KCNT2: variants seen among roughly 807,000 people sequenced by gnomAD.
The protein encoded by KCNT2 is potassium channel subfamily T member 2.
KCNT2 carries 67 observed loss-of-function variants against 153.8 expected under a neutral mutation model. The observed-to-expected ratio is 0.44, with a 90% confidence interval of 0.36 to 0.53. The LOEUF is 0.53. KCNT2 is among the 20% of genes least tolerant of loss of function. The probability of loss-of-function intolerance (pLI) is 0.00; values close to 1 mark genes in which losing one functional copy is unlikely to be tolerated. For synonymous variants in KCNT2, 500 were observed against 458.8 expected (o/e 1.09, Z -1.15); for missense variants, 975 against 1,354.8 (o/e 0.72, Z 4.40).
intron 12 of KCNT2, among the ~76,000 whole-genome samples, chr1:196,422,286 C>T (rs1673280049): frequency 6.6e-6 from 1 of 151,852 alleles, no homozygotes; most frequent in East Asian, 1.9e-4. Context: ...CCTGAAAGAT[C>T]TATGCACAGT....
At chr1:196,581,118 A>T (rs1306293352) in intron 1 of KCNT2, among the ~76,000 whole-genome samples, 4 of 152,104 alleles carry the variant, frequency 2.6e-5, no homozygotes, top group African/African-American at 7.2e-5. Context: ...ATATTAGTAT[A>T]TATGTGATAT....
At chr1:196,471,068 T>A (rs1405886119) in intron 5 of KCNT2, among the ~76,000 whole-genome samples, 3 of 151,416 alleles carry the variant, frequency 2.0e-5, no homozygotes, top group Admixed American at 6.6e-5. Flanking sequence ...ATTCTTTTTT[T>A]AATTTTTTTT....
chr1:196,258,201 C>T lies in KCNT2; in HGVS notation c.3204G>A (p.Val1068=), dbSNP rs1656686408. Residue 1068 remains valine (V), a synonymous_variant, in exon 26 of 28, where the codon GTG becomes GTA. Coordinates refer to ENST00000294725, the MANE Select transcript of KCNT2 (RefSeq NM_198503.5). ...AGTTTTTAAAGAGCATACCATATCC[C>T]ACTGTAGAAAGACCCAAGTGTTTCA... ...NRMKHLGLST[V]GYDEMNDHQS... is the part of the protein sequence containing the mutation. 1 of 1,613,500 alleles carries T rather than the reference C, an allele frequency of 6.2e-7. No individual in the cohort carries two copies. The highest frequency in any genetic ancestry group is 8.5e-7 in the Non-Finnish European group (1 of 1,179,592).
At chr1:196,256,012 C>T (rs1265857104) in intron 26 of KCNT2, among the ~76,000 whole-genome samples, 1 of 151,886 alleles carries the variant, frequency 6.6e-6, no homozygotes, top group African/African-American at 2.4e-5. Context: ...TTGTTTTAAT[C>T]TCTCAAAAGG....
At chr1:196,241,277 T>C (rs1218364512) in intron 26 of KCNT2, among the ~76,000 whole-genome samples, 1 of 152,094 alleles carries the variant, frequency 6.6e-6, no homozygotes, top group Non-Finnish European at 1.5e-5. Flanking sequence ...TTACTTCTTC[T>C]ACATAGTTGG....
intron 25 of KCNT2, among the ~76,000 whole-genome samples, chr1:196,279,415 TA>T (rs1027106814): frequency 2.0e-5 from 3 of 151,468 alleles, no homozygotes; most frequent in African/African-American, 4.9e-5. Context: ...AAAACTCCAT[TA>T]AAAAATTTTT....
chr1:196,569,707 T>C (rs1420025784), intron 1 of KCNT2, among the ~76,000 whole-genome samples: 1 of 152,020 alleles, frequency 6.6e-6, no homozygotes, highest in Non-Finnish European at 1.5e-5. Flanking sequence ...ATGAAATTAA[T>C]TCAAAAGGAT....
intron 1 of KCNT2, among the ~76,000 whole-genome samples, chr1:196,560,642 T>A (rs1659255145): frequency 6.6e-6 from 1 of 152,002 alleles, no homozygotes; most frequent in East Asian, 1.9e-4. Context: ...CTAACTTTAG[T>A]GGGCACCTTG....
chr1:196,502,448 T>A (rs1029798045), intron 1 of KCNT2, among the ~76,000 whole-genome samples: 13 of 152,184 alleles, frequency 8.5e-5, no homozygotes, highest in Admixed American at 6.5e-4. Context: ...TAGAGACACG[T>A]ATATGCACAT....
Position 196,343,351 on chromosome 1 carries a change from GTTAT to G in KCNT2, c.1404-1127_1404-1124del, listed in dbSNP as rs776165124. Among the ~76,000 whole-genome samples the G allele has an allele frequency of 5.3e-5, 8 of 152,154 alleles. No homozygotes were observed. In the East Asian group the frequency reaches 1.4e-3, roughly 26 times the overall value. On this transcript the variant is annotated intron_variant, in intron 14 of 27. Transcript: ENST00000294725. ...AAATTCATAATGGATATATAAATAGGTTATTTCTCATTTTATATAATAAATTCAT... is the reference window on the plus strand; with the variant it reads ...AAATTCATAATGGATATATAAATAGGTTCTCATTTTATATAATAAATTCAT...
chr1:196,478,473 A>C (rs570536037), intron 5 of KCNT2, among the ~76,000 whole-genome samples: 1 of 152,266 alleles, frequency 6.6e-6, no homozygotes, highest in African/African-American at 2.4e-5. Flanking sequence ...TTACATGCAA[A>C]GTCCTTCCTT....
chr1:196,374,367 T>C (rs987592701), intron 13 of KCNT2, among the ~76,000 whole-genome samples: 9 of 151,838 alleles, frequency 5.9e-5, no homozygotes, highest in Admixed American at 2.0e-4. Context: ...TTCTGCCCTG[T>C]TTTTATAATA....
intron 25 of KCNT2, among the ~76,000 whole-genome samples, chr1:196,260,055 G>C (rs2147785915): frequency 6.6e-6 from 1 of 151,866 alleles, no homozygotes; most frequent in African/African-American, 2.4e-5. Flanking sequence ...GTACTTTGTA[G>C]CAACAATGAA....
intron 8 of KCNT2, among the ~76,000 whole-genome samples, chr1:196,439,939 T>C (rs1317346750): frequency 6.6e-6 from 1 of 151,842 alleles, no homozygotes; most frequent in African/African-American, 2.4e-5. Context: ...ACCTAATGCA[T>C]ACGGGGCTTA....
At position 196,512,417 on chromosome 1, in the gene KCNT2, A is replaced by T. The variant is rs137961491; in HGVS notation, c.96-20076T>A. ...ATTTCTACTTGGATCTCTATCAGAC[A>T]TCTGCAACCCAGCATATCGAAACTT... is the stretch of plus-strand genomic sequence containing the variant. On this transcript the variant is annotated intron_variant, in intron 1 of 27. Transcript: ENST00000294725. 3.3e-5 allele frequency among the ~76,000 whole-genome samples: 5 copies of T among 152,304 alleles called. No homozygotes were observed. In the East Asian group the frequency reaches 7.7e-4, roughly 24 times the overall value.
At chr1:196,572,466 TAAAG>T (rs978345261) in intron 1 of KCNT2, among the ~76,000 whole-genome samples, 8 of 151,848 alleles carry the variant, frequency 5.3e-5, no homozygotes, top group South Asian at 2.1e-4. Context: ...TTCTAGGAGA[TAAAG>T]AGAGAGAGAG....
chr1:196,524,030 G>C (rs1261640857), intron 1 of KCNT2, among the ~76,000 whole-genome samples: 1 of 152,144 alleles, frequency 6.6e-6, no homozygotes, highest in Non-Finnish European at 1.5e-5. Context: ...AGTTGCTCAA[G>C]ATGAACTGTT....
chr1:196,269,326 T>C (rs1657843173), intron 25 of KCNT2, among the ~76,000 whole-genome samples: 3 of 152,112 alleles, frequency 2.0e-5, no homozygotes, highest in Non-Finnish European at 4.4e-5. Flanking sequence ...AGTGGCCCAA[T>C]GGTCTGGTTT....
At position 196,487,732 on chromosome 1, in the gene KCNT2, G is replaced by A. The variant is rs545127535; in HGVS notation, c.275+2106C>T. 1.1e-4 allele frequency among the ~76,000 whole-genome samples: 17 copies of A among 151,918 alleles called. No homozygotes were observed. The South Asian group carries it at 2.7e-3, about 24-fold the overall frequency. On this transcript the variant is annotated intron_variant, in intron 3 of 27. Coordinates refer to ENST00000294725, the MANE Select transcript of KCNT2 (RefSeq NM_198503.5). ...TAGTTGTTACCCTGAGGAAGAAATC[G>A]TATTTAAAATTTGAATTTCACTTAA...
Sources: allele counts gnomAD v4.1 joint callset (sites outside exome capture counted in the v4.1 genomes callset), GRCh38; gene constraint gnomAD v4.1.1; transcripts MANE v1.5; gene names NCBI Gene and HGNC (gene_info 2026-07-23, HGNC 2026-07-21).